Variants in SOS2 observed in about 807,000 individuals in gnomAD.
SOS2 encodes the protein SOS Ras/Rho guanine nucleotide exchange factor 2.
SOS2 carries 65 observed loss-of-function variants against 148.2 expected under a neutral mutation model. The ratio of observed to expected loss-of-function variants is 0.44; its 90% CI spans 0.36 to 0.54. SOS2 has a LOEUF of 0.54. Among genes scored for constraint, SOS2 ranks in the 20% least tolerant of loss-of-function variants. SOS2 has a pLI of 0.00. For synonymous variants in SOS2, 539 were observed against 537.1 expected, an observed-to-expected ratio of 1.00 and a Z score of -0.05; for missense variants, 1,341 against 1,590.2, an observed-to-expected ratio of 0.84 and a Z score of 2.67.
chr14:50,182,965 T>C (rs906340775), intron 5 of SOS2, among the ~76,000 whole-genome samples: 1 of 152,254 alleles, frequency 6.6e-6, no homozygotes, highest in African/African-American at 2.4e-5. Context: ...GCATATCTTT[T>C]ATTGGGAGCA....
intron 5 of SOS2, among the ~76,000 whole-genome samples, chr14:50,187,183 A>C (rs549764889): frequency 5.9e-5 from 9 of 151,824 alleles, no homozygotes; most frequent in Non-Finnish European, 1.2e-4. Context: ...GCTAAATTTT[A>C]AATTTTTTTG....
chr14:50,210,771 A>G (rs562223931), intron 1 of SOS2, among the ~76,000 whole-genome samples: 9 of 152,224 alleles, frequency 5.9e-5, no homozygotes, highest in Middle Eastern at 3.4e-3. Flanking sequence ...AAATTCAAAT[A>G]GCCTATATAT....
At position 50,122,436 on chromosome 14, in the gene SOS2, CCCAGGCTGGAGT is replaced by C. The variant is rs1298876210; in HGVS notation, c.3380-2064_3380-2053del. Among the ~76,000 whole-genome samples, 57 of 123,830 alleles carry C rather than the reference CCCAGGCTGGAGT, an allele frequency of 4.6e-4. 2 individuals are homozygous for C. Among genetic ancestry groups the C allele is most frequent in the African/African-American group, 1.8e-3 (56 of 30,442 alleles). 81.2% of individuals were successfully genotyped at this position (123,830 alleles called of 152,430 possible). Reference sequence around the variant, plus strand: ...TTTGAGACGGTGTCTCGCTCTGTCGCCCAGGCTGGAGTCCAGGAACCCTGGTCTTTAATTACA... The same window carrying C: ...TTTGAGACGGTGTCTCGCTCTGTCGCCCAGGAACCCTGGTCTTTAATTACA... On this transcript the variant is annotated intron_variant, in intron 21 of 22. Coordinates refer to ENST00000216373, the MANE Select transcript of SOS2 (RefSeq NM_006939.4).
At position 50,159,956 on chromosome 14, in the gene SOS2, T is replaced by C; in HGVS notation, c.1327A>G (p.Ile443Val). The change falls in exon 10 of 23, where the codon ATT becomes GTT. Residue 443 changes from isoleucine to valine, a missense_variant. This residue lies in a region of SOS2 where 574 missense variants were observed against 711.1 expected (regional missense o/e 0.81). Coordinates refer to ENST00000216373, the MANE Select transcript of SOS2 (RefSeq NM_006939.4). ...ATTCTTGTCAATGGTCCCTCCATAA[T>C]GAATTCATTACAACACTGTCCAATA... The part of the protein sequence containing the change: ...KDIGQCCNEF[I>V]MEGPLTRIGA... 6.2e-7 allele frequency: 1 copy of C among 1,614,190 alleles called. No individual in the cohort carries two copies. Among genetic ancestry groups the C allele is most frequent in the Non-Finnish European group, 8.5e-7 (1 of 1,180,024 alleles).
chr14:50,179,240 G>A (rs1885642741), intron 7 of SOS2, among the ~76,000 whole-genome samples: 1 of 152,068 alleles, frequency 6.6e-6, no homozygotes, highest in African/African-American at 2.4e-5. Flanking sequence ...GAAAAAATGA[G>A]AGAGGAAATG....
At chr14:50,180,824 C>A in intron 6 of SOS2, 142 bp from the exon 7 acceptor site, 2 of 481,002 alleles carry the variant, frequency 4.2e-6, no homozygotes, top group East Asian at 3.5e-5. Context: ...GCTCGAGCAA[C>A]AGAGTGAAAC....
At chr14:50,195,601 G>T (rs1269032883) in intron 4 of SOS2, among the ~76,000 whole-genome samples, 1 of 151,862 alleles carries the variant, frequency 6.6e-6, no homozygotes, top group Admixed American at 6.6e-5. Flanking sequence ...ATTCCTACAA[G>T]AATTTAGAAA....
Position 50,183,387 on chromosome 14 carries a change from C to CA in SOS2, c.715-782dup, listed in dbSNP as rs927793599. ...TTGGAAATAAAGAGACTTGCTTGTA[C>CA]AAAAAAAAAAAGAAACAATATAAGA... is the stretch of plus-strand genomic sequence containing the variant. On this transcript the variant is annotated intron_variant, in intron 5 of 22. Transcript: ENST00000216373. Among the ~76,000 whole-genome samples the CA allele has an allele frequency of 4.2e-4, 55 of 130,930 alleles. 1 individual carries two copies. Among genetic ancestry groups the CA allele is most frequent in the Middle Eastern group, 3.9e-3 (1 of 258 alleles). The allele number at this position is 130,930 out of a possible 152,430, so 85.9% of individuals were successfully genotyped here.
intron 13 of SOS2, among the ~76,000 whole-genome samples, chr14:50,151,148 T>G (rs1335289156): frequency 6.6e-6 from 1 of 152,232 alleles, no homozygotes; most frequent in Non-Finnish European, 1.5e-5. Flanking sequence ...CATGAGCCAC[T>G]GTGCCTGGCC....
rs61755577 is a variant in SOS2, at chr14:50,150,116, A to G, written c.2276T>C (p.Ile759Thr). ...NITFESPPPP[I>T]EWHISKPGQF... ...TCCTGGTTTGCTGATATGCCATTCA[A>G]TTGGTGGAGGTGGACTTTCAAAGGT... Residue 759 changes from isoleucine (I) to threonine (T), a missense_variant, in exon 14 of 23, where the codon ATT becomes ACT. Transcript: ENST00000216373. 12 of 1,613,534 alleles carry G rather than the reference A, an allele frequency of 7.4e-6. No homozygotes were observed. The highest frequency in any genetic ancestry group is 1.6e-4 in the Middle Eastern group (1 of 6,084).
chr14:50,191,768 G>C (rs1236137234), intron 4 of SOS2, among the ~76,000 whole-genome samples: 1 of 152,126 alleles, frequency 6.6e-6, no homozygotes, highest in African/African-American at 2.4e-5. Context: ...TTTTCTGTTA[G>C]GCATTCTGAT....
intron 21 of SOS2, among the ~76,000 whole-genome samples, chr14:50,124,673 C>T (rs919522378): frequency 2.0e-5 from 3 of 152,130 alleles, no homozygotes; most frequent in Admixed American, 2.0e-4. Flanking sequence ...AAAATGGCAA[C>T]TCACTATTGT....
At chr14:50,143,341 A>AC (rs2139569313) in intron 16 of SOS2, among the ~76,000 whole-genome samples, 1 of 151,518 alleles carries the variant, frequency 6.6e-6, no homozygotes, top group African/African-American at 2.4e-5. Flanking sequence ...AAAAAAAAAA[A>AC]AAAAAATCAA....
At chr14:50,203,607 T>C (rs77776210) in intron 2 of SOS2, among the ~76,000 whole-genome samples, 1,470 of 93,340 alleles carry the variant, frequency 0.016, 16 homozygotes, top group Middle Eastern at 0.1. Context: ...TATATATATA[T>C]ACACACACAC....
chr14:50,168,092 AT>A (rs1428531878), intron 8 of SOS2, among the ~76,000 whole-genome samples: 1 of 152,208 alleles, frequency 6.6e-6, no homozygotes, highest in Non-Finnish European at 1.5e-5. Flanking sequence ...AGAGAGAATA[AT>A]TTTTATTCTT....
At chr14:50,145,617 GCAACTTAA>G in intron 14 of SOS2, 21 bp from the exon 15 acceptor site, 1 of 1,504,576 alleles carries the variant, frequency 6.6e-7, no homozygotes. Flanking sequence ...GAAAATCAGT[GCAACTTAA>G]CCTATAAAGG....
chr14:50,216,414 A>G (rs1268684808), intron 1 of SOS2, among the ~76,000 whole-genome samples: 9 of 152,176 alleles, frequency 5.9e-5, no homozygotes, highest in Non-Finnish European at 1.2e-4. Flanking sequence ...AAATATTAAA[A>G]TTCAATTTAA....
At chr14:50,215,975 G>C (rs1229517077) in intron 1 of SOS2, among the ~76,000 whole-genome samples, 1 of 152,154 alleles carries the variant, frequency 6.6e-6, no homozygotes, top group African/African-American at 2.4e-5. Flanking sequence ...TATAGAGTCT[G>C]ACTGATATTT....
chr14:50,182,951 A>T (rs1310991849), intron 5 of SOS2, among the ~76,000 whole-genome samples: 1 of 152,232 alleles, frequency 6.6e-6, no homozygotes, highest in Non-Finnish European at 1.5e-5. Flanking sequence ...AATTTCTTTA[A>T]CTAGCATATC....
Sources: gnomAD v4.1 joint callset for allele counts (sites outside exome capture counted in the v4.1 genomes callset) on GRCh38, gnomAD v4.1.1 for gene constraint, gnomAD v4.1.1 regional missense constraint, MANE v1.5 for transcripts, NCBI Gene and HGNC (gene_info 2026-07-23, HGNC 2026-07-21) for gene names.